Variants in SLC38A8 observed in about 807,000 individuals in gnomAD.
SLC38A8 encodes the protein amino acid transporter SLC38A8.
Under a neutral mutation model 46.0 loss-of-function variants are expected in SLC38A8, and 65 were observed. The ratio of observed to expected loss-of-function variants is 1.41; its 90% CI spans 1.16 to 1.74. The LOEUF (loss-of-function observed/expected upper bound fraction) is 1.74. SLC38A8 is among the 40% of genes most tolerant of loss of function. The probability of loss-of-function intolerance (pLI) is 0.00; values close to 1 mark genes in which losing one functional copy is unlikely to be tolerated. For synonymous variants in SLC38A8, 447 were observed against 243.7 expected (o/e 1.83, Z -7.77); for missense variants, 998 against 567.9 (o/e 1.76, Z -7.70).
Position 84,033,368 on chromosome 16 carries a change from G to A in SLC38A8, c.490C>T (p.Leu164=). Residue 164 remains leucine (L), a synonymous_variant, in exon 4 of 11, where the codon CTG becomes TTG. Transcript: ENST00000299709. ...PLLSVLVILP[L]SAPREIAFQK... is the part of the protein sequence containing the mutation. The stretch of plus-strand genomic sequence containing the variant: ...AAGGCGATCTCCCGCGGGGCAGACA[G>A]GGGCAGGATGACCAGCACGGAGAGC... 1 of 1,614,074 alleles carries A rather than the reference G, an allele frequency of 6.2e-7. No individual in the cohort carries two copies. Among genetic ancestry groups the A allele is most frequent in the Non-Finnish European group, 8.5e-7 (1 of 1,179,980 alleles).
chr16:84,028,542 A>G (rs1278128308), intron 6 of SLC38A8, among the ~76,000 whole-genome samples: 2 of 150,986 alleles, frequency 1.3e-5, no homozygotes, highest in African/African-American at 2.4e-5. Flanking sequence ...AGCCTGGGCA[A>G]TAAGAATGAG....
chr16:84,037,114 T>A (rs1275058785), intron 2 of SLC38A8, among the ~76,000 whole-genome samples: 1 of 152,156 alleles, frequency 6.6e-6, no homozygotes, highest in African/African-American at 2.4e-5. Context: ...GCAGGCTGAT[T>A]CTGGCAGGCT....
chr16:84,016,794 TC>T, intron 8 of SLC38A8, 67 bp from the exon 9 acceptor site: 2 of 1,506,818 alleles, frequency 1.3e-6, no homozygotes, highest in Non-Finnish European at 9.0e-7. Context: ...CGACAGCTGC[TC>T]CCCAGTCCTC....
intron 6 of SLC38A8, among the ~76,000 whole-genome samples, chr16:84,026,203 T>G (rs949359476): frequency 8.5e-5 from 13 of 152,156 alleles, no homozygotes; most frequent in South Asian, 8.3e-4. Flanking sequence ...TCTCCCTGTT[T>G]GACTCCGCAG....
chr16:84,024,202 G>A (rs985155966), intron 6 of SLC38A8, among the ~76,000 whole-genome samples: 1 of 152,220 alleles, frequency 6.6e-6, no homozygotes, highest in Admixed American at 6.5e-5. Flanking sequence ...TGTGGTGCTA[G>A]AAGGCAGGAT....
chr16:84,031,334 C>T (rs889635684), intron 5 of SLC38A8, among the ~76,000 whole-genome samples: 1 of 152,232 alleles, frequency 6.6e-6, no homozygotes, highest in Non-Finnish European at 1.5e-5. Flanking sequence ...AGCCACCACA[C>T]CCTACCTAGA....
At position 84,027,820 on chromosome 16, in the gene SLC38A8, G is replaced by T. The variant is rs2085183263; in HGVS notation, c.690+1674C>A. 2.0e-5 allele frequency among the ~76,000 whole-genome samples: 3 copies of T among 152,278 alleles called. No homozygotes were observed. The South Asian group carries it at 6.2e-4, about 32-fold the overall frequency. ...GAGGGGCACCCCTTGCAAGCATCGG[G>T]GAGGCGGCCCCGGCGTAGGTCTGCT... On this transcript the variant is annotated intron_variant, in intron 6 of 10. Coordinates refer to ENST00000299709, the MANE Select transcript of SLC38A8 (RefSeq NM_001080442.3).
chr16:84,017,290 G>C lies in SLC38A8; in HGVS notation c.806-3C>G, dbSNP rs1057516193. On this transcript the variant is annotated splice_polypyrimidine_tract_variant and splice_region_variant and intron_variant, in intron 7 of 10. Transcript: ENST00000299709. ...AAAAGTCAGGAAGCCATAAACCCCT[G>C]AAGGTGGGAAAGGATGGAAGCCACA... 9 of 1,613,864 alleles carry C rather than the reference G, an allele frequency of 5.6e-6. No homozygotes were observed. The highest frequency in any genetic ancestry group is 5.3e-5 in the African/African-American group (4 of 74,904).
intron 6 of SLC38A8, among the ~76,000 whole-genome samples, chr16:84,024,550 G>A (rs1012529168): frequency 1.6e-4 from 24 of 152,072 alleles, no homozygotes; most frequent in African/African-American, 4.6e-4. Flanking sequence ...GGAGGCCAAG[G>A]CGTGTGGATC....
rs771793284 is a variant in SLC38A8 at position 84,017,153 on chromosome 16, G to C, written c.940C>G (p.Leu314Val). Residue 314 changes from leucine to valine, a missense_variant, in exon 8 of 11, where the codon CTC (leucine) becomes GTC (valine). Leu to Val is a conservative substitution (Grantham distance 32). Transcript: ENST00000299709. ...VSIVTVYPIV[L>V]FLGRSVMQDF... ...GCCAGGCCTCACCTCCCCAGGAAGA[G>C]CACGATGGGGTAGACAGTTACGATG... The C allele has an allele frequency of 3.1e-6, 5 of 1,613,986 alleles. No homozygotes were observed. The highest frequency in any genetic ancestry group is 1.6e-4 in the Middle Eastern group (1 of 6,070).
At chr16:84,013,424 GT>G (rs1221293803) in intron 9 of SLC38A8, among the ~76,000 whole-genome samples, 120 of 64,040 alleles carry the variant, frequency 1.9e-3, no homozygotes, top group Middle Eastern at 0.011. Context: ...TTGTGTGTGT[GT>G]TTTTTTTTTT....
At position 84,036,713 on chromosome 16, in the gene SLC38A8, TG is replaced by T. The variant is rs1256250716; in HGVS notation, c.376del (p.Gln126SerfsTer54). On this transcript the variant is annotated frameshift_variant, in exon 3 of 11. Transcript: ENST00000299709. LOFTEE classifies it high-confidence loss of function. ...ATGAAGGTACTTACGCTTCTCCAGC[TG>T]GTCCCCGATCACCCTGAGGAAGGCC... ...SVAFLRVIGD[Q>X]LEKLCDSLLS... 1 of 1,614,042 alleles carries T rather than the reference TG, an allele frequency of 6.2e-7. No individual in the cohort carries two copies. Among genetic ancestry groups the T allele is most frequent in the Admixed American group, 1.7e-5 (1 of 60,008 alleles).
At chr16:84,042,334 T>C (rs1342717485) in intron 1 of SLC38A8, among the ~76,000 whole-genome samples, 175 bp from the exon 2 acceptor site, 1 of 152,072 alleles carries the variant, frequency 6.6e-6, no homozygotes, top group Admixed American at 6.5e-5. Flanking sequence ...GCCCACGACT[T>C]CTAGTCCCCC....
At chr16:84,039,078 G>A (rs1339889906) in intron 2 of SLC38A8, among the ~76,000 whole-genome samples, 1 of 152,150 alleles carries the variant, frequency 6.6e-6, no homozygotes, top group African/African-American at 2.4e-5. Context: ...ATTGAGGTAT[G>A]TCCTTGTAGA....
chr16:84,032,025 CG>C (rs1332536612), intron 4 of SLC38A8, 57 bp from the exon 5 acceptor site: 1 of 1,452,466 alleles, frequency 6.9e-7, no homozygotes, highest in Non-Finnish European at 9.7e-7. Flanking sequence ...GGTTGATGCA[CG>C]GGGACAGTAG....
chr16:84,026,702 T>C lies in SLC38A8; in HGVS notation c.690+2792A>G, dbSNP rs190835209. Among the ~76,000 whole-genome samples the C allele has an allele frequency of 1.4e-3, 208 of 152,290 alleles. 3 individuals carry two copies. The highest frequency in any genetic ancestry group is 4.7e-3 in the African/African-American group (197 of 41,560). On this transcript the variant is annotated intron_variant, in intron 6 of 10. Transcript: ENST00000299709. ...AGGACAGGGGATAAAGCGCAGCTTA[T>C]CCACACAATGGAATATTATTTGACC...
In SLC38A8 at chr16:84,028,692, C is replaced by G. The variant is rs545301311; in HGVS notation, c.690+802G>C. ...CCCAGGCCCGCCACCTCCCCTGCCC[C>G]CCCTGCCCCGCCACCTTCCCCCCAG... On this transcript the variant is annotated intron_variant, in intron 6 of 10. Coordinates refer to ENST00000299709, the MANE Select transcript of SLC38A8 (RefSeq NM_001080442.3). Among the ~76,000 whole-genome samples the G allele has an allele frequency of 9.2e-5, 14 of 151,364 alleles. No homozygotes were observed. The South Asian group carries it at 2.9e-3, about 32-fold the overall frequency.
chr16:84,012,300 G>C (rs147718564), intron 10 of SLC38A8, among the ~76,000 whole-genome samples: 2 of 152,318 alleles, frequency 1.3e-5, no homozygotes, highest in African/African-American at 2.4e-5. Flanking sequence ...TCTTCCGTGG[G>C]TCAGACTCAG....
intron 9 of SLC38A8, among the ~76,000 whole-genome samples, chr16:84,015,339 G>C (rs1481064658): frequency 6.6e-6 from 1 of 151,994 alleles, no homozygotes; most frequent in African/African-American, 2.4e-5. Context: ...GATAATGCTT[G>C]GGCTGTTTGG....
Sources: gnomAD v4.1 joint callset for allele counts (sites outside exome capture counted in the v4.1 genomes callset) on GRCh38, gnomAD v4.1.1 for gene constraint, MANE v1.5 for transcripts, NCBI Gene and HGNC (gene_info 2026-07-23, HGNC 2026-07-21) for gene names.